The following TANGO2 variants were observed in gnomAD, a reference collection of about 807,000 sequenced individuals.
TANGO2 encodes transport and golgi organization 2 homolog.
Under a neutral mutation model 39.1 loss-of-function variants are expected in TANGO2, and 26 were observed. The ratio of observed to expected loss-of-function variants is 0.67; its 90% CI spans 0.49 to 0.92. TANGO2 has a LOEUF of 0.92. Among genes scored for constraint, TANGO2 ranks in the 40% least tolerant of loss-of-function variants. The pLI is 0.00. For missense variants in TANGO2, 326 were observed against 360.1 expected (o/e 0.91, Z 0.77); for synonymous variants, 131 against 144.5 (o/e 0.91, Z 0.67).
intron 1 of TANGO2, among the ~76,000 whole-genome samples, chr22:20,034,665 C>G (rs953646306): frequency 9.9e-5 from 15 of 152,138 alleles, no homozygotes; most frequent in Admixed American, 9.2e-4. Flanking sequence ...TTCATCTCTC[C>G]CTAAGCATCG....
At chr22:20,028,954 C>T (rs1429611815) in intron 1 of TANGO2, among the ~76,000 whole-genome samples, 1 of 152,244 alleles carries the variant, frequency 6.6e-6, no homozygotes, top group Non-Finnish European at 1.5e-5. Context: ...CACTGCCAGG[C>T]AGCAGGCCAT....
Position 20,032,528 on chromosome 22 carries a change from T to C in TANGO2, c.-39-4232T>C, listed in dbSNP as rs1225263026. On this transcript the variant is annotated intron_variant, in intron 1 of 8. Coordinates refer to ENST00000327374, the MANE Select transcript of TANGO2 (RefSeq NM_152906.7). ...TCTTTGTGGTCTGGTTCTGGCCGCC[T>C]GGGCCTCAGGGCCAACCCTGCATGG... is the stretch of plus-strand genomic sequence containing the variant. 3.3e-5 allele frequency among the ~76,000 whole-genome samples: 5 copies of C among 152,258 alleles called. No homozygotes were observed. The East Asian group carries it at 9.6e-4, about 29-fold the overall frequency.
At chr22:20,028,859 C>G (rs558135990) in intron 1 of TANGO2, among the ~76,000 whole-genome samples, 1 of 152,328 alleles carries the variant, frequency 6.6e-6, no homozygotes, top group Admixed American at 6.5e-5. Context: ...CTTCTTTTCC[C>G]CATGGGCCTC....
At chr22:20,056,467 C>T (rs763951043) in intron 6 of TANGO2, 10 of 458,958 alleles carry the variant, frequency 2.2e-5, no homozygotes, top group East Asian at 2.1e-4. Flanking sequence ...GTCTGATCCC[C>T]GGTCCCCATC....
At chr22:20,033,631 C>T (rs892023956) in intron 1 of TANGO2, among the ~76,000 whole-genome samples, 5 of 152,244 alleles carry the variant, frequency 3.3e-5, no homozygotes, top group African/African-American at 1.2e-4. Flanking sequence ...TAGAGACCAG[C>T]TGGCAGGGCT....
intron 6 of TANGO2, among the ~76,000 whole-genome samples, chr22:20,060,415 T>A (rs1201511948): frequency 3.3e-5 from 5 of 151,328 alleles, no homozygotes; most frequent in Non-Finnish European, 7.4e-5. Flanking sequence ...TGTGCCACCA[T>A]GTTCAGCTAA....
Position 20,064,640 on chromosome 22 carries a change from AT to A in TANGO2, c.810del (p.Tyr270Ter), listed in dbSNP as rs1290983127. The part of the protein sequence containing the change: ...KDLSHWETRT[Y>X]EFTLQS ...CTCTCCCACTGGGAGACCAGAACCTATGAGTTCACACTGCAGAGCTAACCCC... is the reference window on the plus strand; with the variant it reads ...CTCTCCCACTGGGAGACCAGAACCTAGAGTTCACACTGCAGAGCTAACCCC... On this transcript the variant is annotated frameshift_variant, in exon 9 of 9. Transcript: ENST00000327374. LOFTEE classifies it high-confidence loss of function. 3.1e-6 allele frequency: 5 copies of A among 1,614,130 alleles called. No homozygotes were observed. Among genetic ancestry groups the A allele is most frequent in the Non-Finnish European group, 4.2e-6 (5 of 1,180,004 alleles).
chr22:20,032,681 C>T (rs117632235), intron 1 of TANGO2, among the ~76,000 whole-genome samples: 2 of 152,208 alleles, frequency 1.3e-5, no homozygotes, highest in African/African-American at 4.8e-5. Context: ...AAGCCAGGCA[C>T]GATTCTCCCT....
In TANGO2 at chr22:20,052,458, G is replaced by A. The variant is rs764311311; in HGVS notation, c.146-7G>A. 3 of 1,595,794 alleles carry A rather than the reference G, an allele frequency of 1.9e-6. No homozygotes were observed. The highest frequency in any genetic ancestry group is 2.6e-6 in the Non-Finnish European group (3 of 1,171,160). ...ATCAATGGTGGTAACACTGTCATCTGCCACAGGGCTGGACATGGAGGAAGG... is the reference window on the plus strand; with the variant it reads ...ATCAATGGTGGTAACACTGTCATCTACCACAGGGCTGGACATGGAGGAAGG... On this transcript the variant is annotated splice_region_variant and splice_polypyrimidine_tract_variant and intron_variant, in intron 3 of 8. Coordinates refer to ENST00000327374, the MANE Select transcript of TANGO2 (RefSeq NM_152906.7).
At chr22:20,053,674 G>A (rs1310612117) in intron 5 of TANGO2, 123 bp downstream of exon 5, 9 of 709,328 alleles carry the variant, frequency 1.3e-5, no homozygotes, top group Middle Eastern at 2.3e-4. Flanking sequence ...GTTGCTCCTC[G>A]TGACTTGGCA....
At chr22:20,063,288 C>T (rs370272846) in intron 7 of TANGO2, 50 bp from the exon 8 acceptor site, 14 of 1,564,810 alleles carry the variant, frequency 8.9e-6, no homozygotes, top group South Asian at 4.5e-5. Context: ...GACCCGGCTG[C>T]GGGCGGGCCA....
chr22:20,043,924 C>A (rs559892073), intron 3 of TANGO2, among the ~76,000 whole-genome samples: 2 of 152,238 alleles, frequency 1.3e-5, no homozygotes, highest in African/African-American at 4.8e-5. Context: ...AGCCCCGTCA[C>A]CTGCACCATG....
intron 3 of TANGO2, among the ~76,000 whole-genome samples, chr22:20,052,163 G>A (rs754808717): frequency 6.6e-6 from 1 of 152,154 alleles, no homozygotes; most frequent in Non-Finnish European, 1.5e-5. Context: ...CAGCCTTGAC[G>A]CTGGCCCAAG....
At position 20,065,345 on chromosome 22, in the gene TANGO2, CTT is replaced by C. The variant is rs948564335; in HGVS notation, c.*696_*697del. 7.6e-5 allele frequency: 11 copies of C among 144,208 alleles called. No homozygotes were observed. The highest frequency in any genetic ancestry group is 9.2e-5 in the Non-Finnish European group (6 of 65,198). The allele number at this position is 144,208 out of a possible 1,614,324, so 8.9% of individuals were successfully genotyped here. A position where few individuals can be genotyped will look rare whatever the true frequency, so the allele number is the denominator to read the frequency against. ...AAGACCTGAGAAAAACCCACTCTCT[CTT>C]TTTTTTTTTTTTGAGACGGAGTCTT... On this transcript the variant is annotated 3_prime_UTR_variant, in exon 9 of 9. Transcript: ENST00000327374.
At position 20,033,360 on chromosome 22, in the gene TANGO2, T is replaced by C. The variant is rs79885628; in HGVS notation, c.-39-3400T>C. The C allele has an allele frequency of 7.0e-3, 2,723 of 389,704 alleles. 65 individuals are homozygous for C. Among genetic ancestry groups the C allele is most frequent in the African/African-American group, 0.055 (2,527 of 45,718 alleles). 24.1% of individuals were successfully genotyped at this position (389,704 alleles called of 1,614,324 possible). The stretch of plus-strand genomic sequence containing the variant: ...ACTGGTGCCTGGAGGGCTGGTCTGC[T>C]GCCCCTGCACCCTGGCCAGCTAGGA... On this transcript the variant is annotated intron_variant, in intron 1 of 8. Transcript: ENST00000327374.
chr22:20,036,724 C>T, intron 1 of TANGO2, 36 bp from the exon 2 acceptor site: 2 of 1,581,466 alleles, frequency 1.3e-6, no homozygotes, highest in Non-Finnish European at 8.7e-7. Context: ...TGAGTGTCTG[C>T]CATCCGCTCA....
chr22:20,058,089 A>G (rs1011755284), intron 6 of TANGO2: 2 of 152,060 alleles, frequency 1.3e-5, no homozygotes, highest in South Asian at 2.1e-4. Context: ...TCACCCATTT[A>G]AAGTGTATCA....
intron 3 of TANGO2, among the ~76,000 whole-genome samples, chr22:20,048,774 G>A (rs2045744371): frequency 1.3e-5 from 2 of 152,070 alleles, no homozygotes; most frequent in African/African-American, 2.4e-5. Context: ...AGCCTCCTGA[G>A]TAGCTGGGAC....
chr22:20,029,083 G>A (rs2041344994), intron 1 of TANGO2, among the ~76,000 whole-genome samples: 1 of 152,232 alleles, frequency 6.6e-6, no homozygotes, highest in African/African-American at 2.4e-5. Flanking sequence ...TGTCTGAATG[G>A]TTTTCTTGTC....
Sources: gnomAD v4.1 joint callset for allele counts (sites outside exome capture counted in the v4.1 genomes callset) on GRCh38, gnomAD v4.1.1 for gene constraint, MANE v1.5 for transcripts, NCBI Gene and HGNC (gene_info 2026-07-23, HGNC 2026-07-21) for gene names.